Variants in PNMA6E observed in about 807,000 individuals in gnomAD.
PNMA6E encodes paraneoplastic antigen Ma6E.
For synonymous variants in PNMA6E, 43 were observed against 17.1 expected (o/e 2.52, Z -3.74); for missense variants, 78 against 50.8 (o/e 1.53, Z -1.63).
the PNMA6E span, among the ~76,000 whole-genome samples, chrX:153,411,579 C>T: frequency 6.6e-4 from 75 of 112,906 alleles, no homozygotes; most frequent in African/African-American, 2.2e-3. Flanking sequence ...GGAGCCCCCA[C>T]CCCCCGCCCG....
the PNMA6E span, among the ~76,000 whole-genome samples, chrX:153,408,871 G>T: frequency 8.9e-6 from 1 of 112,732 alleles, no homozygotes; most frequent in Admixed American, 9.3e-5. Context: ...GCTGACCCCT[G>T]GGAGAGGTGC....
rs965313825 is a variant in PNMA6E, at chrX:153,398,670, G to A, written c.180C>T (p.Leu60=). Reference sequence around the variant, plus strand: ...ACTCCACCAAGGCTGCCTTGGCCCCGAGCTCCTTTCTGAAGTGCTTGGTGA... The same window carrying A: ...ACTCCACCAAGGCTGCCTTGGCCCCAAGCTCCTTTCTGAAGTGCTTGGTGA... ...RVLTKHFRKE[L]GAKAALVEFA... The change falls in exon 2 of 2, where the codon CTC becomes CTT. Residue 60 remains leucine, a synonymous_variant. Transcript: ENST00000445091. 15 of 326,317 alleles carry A rather than the reference G, an allele frequency of 4.6e-5. No individual in the cohort carries two copies. The highest frequency in any genetic ancestry group is 1.2e-4 in the South Asian group (1 of 8,097). 26.9% of individuals were successfully genotyped at this position (326,317 alleles called of 1,213,427 possible).
chrX:153,413,390 C>T, the PNMA6E span, among the ~76,000 whole-genome samples: 6 of 106,598 alleles, frequency 5.6e-5, no homozygotes, highest in Admixed American at 4.1e-4. Flanking sequence ...CAGCCCTCCC[C>T]GCGTGGAGCA....
chrX:153,397,401 C>T lies in PNMA6E; in HGVS notation c.1449G>A (p.Gly483=), dbSNP rs1556970536. 3.4e-6 allele frequency: 1 copy of T among 298,259 alleles called. No homozygotes were observed. 24.6% of individuals were successfully genotyped at this position (298,259 alleles called of 1,213,427 possible). A position where few individuals can be genotyped will look rare whatever the true frequency, so the allele number is the denominator to read the frequency against. The change falls in exon 2 of 2, where the codon GGG becomes GGA. Residue 483 remains glycine, a synonymous_variant. Coordinates refer to ENST00000445091, the MANE Select transcript of PNMA6E (RefSeq NM_001367770.1). Reference sequence around the variant, plus strand: ...CCATCTCCCGGATGAGCCGGAGCAGCCCCAGGAAGCCAGGTGGCCTCTTCT... The same window carrying T: ...CCATCTCCCGGATGAGCCGGAGCAGTCCCAGGAAGCCAGGTGGCCTCTTCT... The part of the protein sequence containing the change: ...QLEKRPPGFL[G]LLRLIREMEA...
the PNMA6E span, among the ~76,000 whole-genome samples, chrX:153,408,823 T>C: frequency 2.7e-5 from 3 of 112,331 alleles, no homozygotes; most frequent in Admixed American, 2.8e-4. Flanking sequence ...ACCACCTCCC[T>C]CCAAGGGCAC....
At chrX:153,401,455 G>A (rs183670575), upstream of PNMA6E, 4 of 111,647 alleles carry the variant, frequency 3.6e-5, no homozygotes, top group East Asian at 5.7e-4. Flanking sequence ...GACTGGTGTC[G>A]CTATGCAAGG....
the PNMA6E span, among the ~76,000 whole-genome samples, chrX:153,412,214 G>A: frequency 6.2e-5 from 7 of 112,492 alleles, no homozygotes; most frequent in South Asian, 1.5e-3. Context: ...GGCATGCCAC[G>A]GAAAAGCATC....
intron 1 of PNMA6E, 89 bp downstream of exon 1, chrX:153,401,155 C>G (rs1429227435): frequency 2.4e-5 from 2 of 82,561 alleles, no homozygotes; most frequent in African/African-American, 4.6e-5. Flanking sequence ...GCCCCCCCCC[C>G]ACACCCCGGG....
rs1180045578 is a variant in PNMA6E at position 153,398,732 on chromosome X, G to T, written c.118C>A (p.Arg40=). The part of the protein sequence containing the change: ...CKEHEFQEAV[R]AALSPLGRYR... ...CTGCCCAGGGGCGACAGGGCAGCCCGCACGGCCTCCTGGAACTCATGTTCC... is the reference window on the plus strand; with the variant it reads ...CTGCCCAGGGGCGACAGGGCAGCCCTCACGGCCTCCTGGAACTCATGTTCC... The change falls in exon 2 of 2, where the codon CGG becomes AGG. Residue 40 remains arginine (R), a synonymous_variant. Coordinates refer to ENST00000445091, the MANE Select transcript of PNMA6E (RefSeq NM_001367770.1). 6.5e-6 allele frequency: 2 copies of T among 307,345 alleles called. No homozygotes were observed. The highest frequency in any genetic ancestry group is 9.4e-5 in the East Asian group (2 of 21,385). The allele number at this position is 307,345 out of a possible 1,213,427, so 25.3% of individuals were successfully genotyped here. A position where few individuals can be genotyped will look rare whatever the true frequency, so the allele number is the denominator to read the frequency against.
chrX:153,400,285 A>C (rs1319788800), intron 1 of PNMA6E, among the ~76,000 whole-genome samples: 1 of 112,278 alleles, frequency 8.9e-6, no homozygotes, highest in Non-Finnish European at 1.9e-5. Context: ...CCACGCCGAC[A>C]GCCTCCAGGG....
chrX:153,399,270 C>A (rs1556970911), intron 1 of PNMA6E, among the ~76,000 whole-genome samples: 1 of 110,650 alleles, frequency 9.0e-6, no homozygotes, highest in Admixed American at 9.6e-5. Flanking sequence ...TCCTGTCCTT[C>A]ATTCCTGATA....
chrX:153,400,320 T>C (rs1418761816), intron 1 of PNMA6E, among the ~76,000 whole-genome samples: 1 of 112,444 alleles, frequency 8.9e-6, no homozygotes, highest in Non-Finnish European at 1.9e-5. Flanking sequence ...CCTGTACCAC[T>C]GGCCGCCAGG....
At chrX:153,405,873 G>A (rs2088874901), upstream of PNMA6E, among the ~76,000 whole-genome samples, 1 of 111,409 alleles carries the variant, frequency 9.0e-6, no homozygotes, top group African/African-American at 3.3e-5. Context: ...GGAGTAATTT[G>A]TTATGTAACA....
At chrX:153,407,295 A>G in the PNMA6E span, among the ~76,000 whole-genome samples, 2 of 111,550 alleles carry the variant, frequency 1.8e-5, no homozygotes, top group East Asian at 2.8e-4. Flanking sequence ...GGTCCCTATC[A>G]CCTGAAGGAA....
chrX:153,399,466 C>T (rs2124271631), intron 1 of PNMA6E, among the ~76,000 whole-genome samples: 1 of 111,219 alleles, frequency 9.0e-6, no homozygotes, highest in African/African-American at 3.3e-5. Context: ...CCACCTCAGC[C>T]TCCTGAGTAG....
the PNMA6E span, among the ~76,000 whole-genome samples, chrX:153,413,999 T>G: frequency 2.4e-4 from 27 of 112,556 alleles, no homozygotes; most frequent in Middle Eastern, 4.6e-3. Context: ...CACTCAACAG[T>G]GCTCTGCTCC....
Position 153,397,487 on chromosome X carries a change from C to A in PNMA6E, c.1363G>T (p.Val455Leu), listed in dbSNP as rs1215452716. The part of the protein sequence containing the change: ...ALANYLRLQQ[V>L]LSWARPSEAL... ...TCGCTGGGGCGGGCCCAAGACAGCA[C>A]CTGCTGTAGTCGCAGGTAATTGGCC... The change falls in exon 2 of 2, where the codon GTG (valine) becomes TTG (leucine). Residue 455 changes from valine (V) to leucine (L), a missense_variant. Transcript: ENST00000445091. 3.4e-6 allele frequency: 1 copy of A among 297,700 alleles called. No individual in the cohort carries two copies. Among genetic ancestry groups the A allele is most frequent in the African/African-American group, 2.7e-5 (1 of 36,977 alleles). The allele number at this position is 297,700 out of a possible 1,213,427, so 24.5% of individuals were successfully genotyped here.
chrX:153,409,094 G>A, the PNMA6E span, among the ~76,000 whole-genome samples: 40 of 112,933 alleles, frequency 3.5e-4, no homozygotes, highest in African/African-American at 1.2e-3. Context: ...CGGCACAGTG[G>A]GCAGCACCAC....
chrX:153,411,925 C>T, the PNMA6E span, among the ~76,000 whole-genome samples: 2 of 112,755 alleles, frequency 1.8e-5, no homozygotes, highest in Admixed American at 9.3e-5. Flanking sequence ...CTGGGAGCTG[C>T]GGCCCGTGTC....
Sources: gnomAD v4.1 joint callset for allele counts (sites outside exome capture counted in the v4.1 genomes callset) on GRCh38, gnomAD v4.1.1 for gene constraint, MANE v1.5 for transcripts, NCBI Gene and HGNC (gene_info 2026-07-23, HGNC 2026-07-21) for gene names.